Variants in GABRG3 observed in about 807,000 individuals in gnomAD.
The protein encoded by GABRG3 is gamma-aminobutyric acid type A receptor subunit gamma3.
Under a neutral mutation model 48.8 loss-of-function variants are expected in GABRG3, and 25 were observed. That is an observed-to-expected ratio of 0.51 (90% CI 0.37 to 0.72). The LOEUF (loss-of-function observed/expected upper bound fraction) is 0.72, where lower values mean the gene tolerates loss of function less well. Among genes scored for constraint, GABRG3 ranks in the 30% least tolerant of loss-of-function variants. The pLI is 0.00. For synonymous variants in GABRG3, 227 were observed against 217.6 expected, an observed-to-expected ratio of 1.04 and a Z score of -0.38; for missense variants, 394 against 577.9, an observed-to-expected ratio of 0.68 and a Z score of 3.26.
chr15:27,243,852 G>GT (rs1200874855), intron 3 of GABRG3, among the ~76,000 whole-genome samples: 1 of 152,154 alleles, frequency 6.6e-6, no homozygotes, highest in Admixed American at 6.5e-5. Flanking sequence ...GTAAATGGAA[G>GT]TTTTTTTCAA....
chr15:27,178,752 G>A (rs1038265008), intron 3 of GABRG3, among the ~76,000 whole-genome samples: 5 of 152,094 alleles, frequency 3.3e-5, no homozygotes, highest in East Asian at 3.9e-4. Context: ...AAGGCATATC[G>A]GTCTAGATTC....
chr15:27,282,401 C>T (rs1891463543), intron 3 of GABRG3, among the ~76,000 whole-genome samples: 1 of 152,166 alleles, frequency 6.6e-6, no homozygotes, highest in Admixed American at 6.5e-5. Flanking sequence ...TCTTATTTCC[C>T]CAGTATCTTT....
At chr15:27,318,306 C>G (rs943942171) in intron 3 of GABRG3, among the ~76,000 whole-genome samples, 1 of 152,134 alleles carries the variant, frequency 6.6e-6, no homozygotes. Context: ...TTTATAAGGC[C>G]TTGTGTAAAA....
At chr15:27,515,389 G>C (rs971988579) in intron 6 of GABRG3, among the ~76,000 whole-genome samples, 3 of 152,060 alleles carry the variant, frequency 2.0e-5, no homozygotes, top group African/African-American at 4.8e-5. Flanking sequence ...CACCGCGACC[G>C]GCTGGAACTT....
chr15:27,465,697 C>G (rs1032463267), intron 5 of GABRG3, among the ~76,000 whole-genome samples: 113 of 152,182 alleles, frequency 7.4e-4, no homozygotes, highest in African/African-American at 2.7e-3. Context: ...ATTTATCCTC[C>G]CTGCACTGAG....
intron 3 of GABRG3, among the ~76,000 whole-genome samples, chr15:27,306,218 A>G (rs1892426598): frequency 1.7e-5 from 2 of 118,000 alleles, no homozygotes; most frequent in African/African-American, 3.0e-5. Flanking sequence ...CATATGTAAT[A>G]TAAACATATG....
intron 3 of GABRG3, among the ~76,000 whole-genome samples, chr15:27,134,080 G>A (rs563883756): frequency 2.0e-4 from 31 of 152,202 alleles, no homozygotes; most frequent in African/African-American, 7.5e-4. Context: ...ACCACCAAAG[G>A]GAAAGCGAAT....
chr15:27,160,573 G>A (rs1312758056), intron 3 of GABRG3, among the ~76,000 whole-genome samples: 1 of 151,488 alleles, frequency 6.6e-6, no homozygotes, highest in East Asian at 1.9e-4. Context: ...TCCAACTACT[G>A]ATTTTTTTTT....
At chr15:27,342,930 G>A (rs1445037632) in intron 5 of GABRG3, among the ~76,000 whole-genome samples, 1 of 152,218 alleles carries the variant, frequency 6.6e-6, no homozygotes, top group African/African-American at 2.4e-5. Context: ...ACAAGGTACA[G>A]GGCTGGTTCC....
intron 5 of GABRG3, among the ~76,000 whole-genome samples, chr15:27,439,446 A>G (rs1427034103): frequency 6.6e-6 from 1 of 152,234 alleles, no homozygotes; most frequent in Non-Finnish European, 1.5e-5. Context: ...AAGTCATCTT[A>G]CTGCAGATTG....
intron 5 of GABRG3, among the ~76,000 whole-genome samples, chr15:27,396,066 T>G (rs1184149482): frequency 2.6e-5 from 4 of 152,046 alleles, no homozygotes; most frequent in Admixed American, 2.6e-4. Context: ...GTGTTGACAT[T>G]TGCCCAGGCT....
At chr15:27,157,653 C>T (rs1595557208) in intron 3 of GABRG3, 1 of 152,214 alleles carries the variant, frequency 6.6e-6, no homozygotes, top group Admixed American at 6.5e-5. Context: ...ATCAGTCTAA[C>T]CTCCTTACCT....
intron 6 of GABRG3, among the ~76,000 whole-genome samples, chr15:27,481,824 C>T (rs73369513): frequency 0.092 from 14,027 of 152,006 alleles, 1,170 homozygotes; most frequent in African/African-American, 0.22. Flanking sequence ...GTGGAGGCAG[C>T]GCAAAGGGAA....
chr15:27,109,542 T>C (rs571745851), intron 3 of GABRG3, among the ~76,000 whole-genome samples: 1 of 152,328 alleles, frequency 6.6e-6, no homozygotes, highest in South Asian at 2.1e-4. Context: ...GTCGCCATAG[T>C]TTTGCCATCC....
At chr15:27,059,101 G>T (rs1001963382) in intron 3 of GABRG3, among the ~76,000 whole-genome samples, 1 of 152,220 alleles carries the variant, frequency 6.6e-6, no homozygotes. Context: ...AGCATTTCAG[G>T]CTGGCAGGCT....
intron 6 of GABRG3, among the ~76,000 whole-genome samples, chr15:27,519,480 G>A (rs1055838308): frequency 1.1e-4 from 16 of 152,090 alleles, no homozygotes; most frequent in African/African-American, 3.9e-4. Flanking sequence ...AAAACAAAGT[G>A]CGAAGTTGAT....
At chr15:27,477,182 G>A (rs1443282989) in intron 5 of GABRG3, among the ~76,000 whole-genome samples, 1 of 152,186 alleles carries the variant, frequency 6.6e-6, no homozygotes, top group Non-Finnish European at 1.5e-5. Context: ...AAGCAACCAA[G>A]ATGGCTTTCA....
intron 3 of GABRG3, among the ~76,000 whole-genome samples, chr15:27,291,199 T>C (rs887840838): frequency 6.6e-6 from 1 of 152,202 alleles, no homozygotes; most frequent in African/African-American, 2.4e-5. Context: ...ATTTCCAAGA[T>C]GTTCAGCAAC....
chr15:27,113,838 G>T (rs1897596140), intron 3 of GABRG3, among the ~76,000 whole-genome samples: 1 of 152,194 alleles, frequency 6.6e-6, no homozygotes, highest in Admixed American at 6.5e-5. Context: ...TTGCCTGGAT[G>T]CCCTAAGGTG....
Sources: gnomAD v4.1 joint callset for allele counts (sites outside exome capture counted in the v4.1 genomes callset) on GRCh38, gnomAD v4.1.1 for gene constraint, MANE v1.5 for transcripts, NCBI Gene and HGNC (gene_info 2026-07-23, HGNC 2026-07-21) for gene names.